ADGB: variants seen among roughly 807,000 people sequenced by gnomAD.
ADGB encodes the protein calpain-7-like protein.
ADGB carries 172 observed loss-of-function variants against 210.5 expected under a neutral mutation model. The ratio of observed to expected loss-of-function variants is 0.82; its 90% confidence interval spans 0.72 to 0.93. The LOEUF is 0.93. Ranked by LOEUF, ADGB falls within the 40% of genes least tolerant of loss-of-function variation. The pLI is 0.00. For missense variants in ADGB, 2,025 were observed against 1,964.8 expected (o/e 1.03, Z -0.58); for synonymous variants, 658 against 662.7 (o/e 0.99, Z 0.11).
chr6:146,699,188 C>T (rs566948540), intron 12 of ADGB, among the ~76,000 whole-genome samples: 2 of 151,954 alleles, frequency 1.3e-5, no homozygotes, highest in African/African-American at 2.4e-5. Flanking sequence ...AAGGAATTGG[C>T]TCATTGGTTA....
At chr6:146,616,547 G>C (rs1780801807) in intron 1 of ADGB, among the ~76,000 whole-genome samples, 1 of 151,932 alleles carries the variant, frequency 6.6e-6, no homozygotes, top group South Asian at 2.1e-4. Context: ...TTTTCTAGTA[G>C]TTTTGTAGTT....
chr6:146,712,501 TTGTTC>T (rs1038695239), intron 13 of ADGB, among the ~76,000 whole-genome samples: 8 of 152,010 alleles, frequency 5.3e-5, no homozygotes, highest in African/African-American at 1.7e-4. Flanking sequence ...GTTGTTTTTT[TTGTTC>T]TGTTTTGTTT....
intron 1 of ADGB, among the ~76,000 whole-genome samples, chr6:146,629,355 G>A (rs57854682): frequency 0.21 from 32,036 of 151,992 alleles, 3,476 homozygotes; most frequent in East Asian, 0.24. Context: ...TGTTTATATT[G>A]TGTGTATAAC....
At chr6:146,684,288 T>A (rs1352905402) in intron 9 of ADGB, among the ~76,000 whole-genome samples, 1 of 152,190 alleles carries the variant, frequency 6.6e-6, no homozygotes, top group Non-Finnish European at 1.5e-5. Flanking sequence ...AACTGATTTT[T>A]AAAATTTTAT....
chr6:146,790,486 TC>T (rs2114653215), intron 33 of ADGB, among the ~76,000 whole-genome samples: 1 of 152,308 alleles, frequency 6.6e-6, no homozygotes, highest in South Asian at 2.1e-4. Flanking sequence ...CATCTTGTCC[TC>T]CAGGTTTGTC....
intron 9 of ADGB, among the ~76,000 whole-genome samples, chr6:146,679,774 G>A (rs528715911): frequency 3.9e-5 from 6 of 152,234 alleles, no homozygotes; most frequent in South Asian, 2.1e-4. Context: ...CATTGAAAAT[G>A]TAGCTTAAAA....
intron 33 of ADGB, among the ~76,000 whole-genome samples, chr6:146,789,643 T>C (rs544374353): frequency 6.6e-6 from 1 of 152,312 alleles, no homozygotes; most frequent in African/African-American, 2.4e-5. Flanking sequence ...TGAAAGTACA[T>C]GCCCATTCAA....
rs912887554 is a variant in ADGB at position 146,683,602 on chromosome 6, A to G, written c.1217-2132A>G. Among the ~76,000 whole-genome samples, 46 of 152,046 alleles carry G rather than the reference A, an allele frequency of 3.0e-4. 2 individuals carry two copies. The highest frequency in any genetic ancestry group is 3.0e-3 in the Admixed American group (46 of 15,226). ...GTGTGATTATCCTAAAATTTGGAGCAAATTTTTTTGTCATCAACATCATTT... is the reference window on the plus strand; with the variant it reads ...GTGTGATTATCCTAAAATTTGGAGCGAATTTTTTTGTCATCAACATCATTT... On this transcript the variant is annotated intron_variant, in intron 9 of 35. Coordinates refer to ENST00000397944, the MANE Select transcript of ADGB (RefSeq NM_024694.4).
chr6:146,637,805 A>G (rs1210731837), intron 2 of ADGB, among the ~76,000 whole-genome samples: 7 of 152,036 alleles, frequency 4.6e-5, no homozygotes, highest in African/African-American at 1.7e-4. Context: ...ATCCTACCAG[A>G]TGTACAAAGA....
At chr6:146,691,803 G>T (rs1282116599) in intron 11 of ADGB, among the ~76,000 whole-genome samples, 1 of 151,732 alleles carries the variant, frequency 6.6e-6, no homozygotes, top group African/African-American at 2.4e-5. Flanking sequence ...TAGAAAAGTA[G>T]TTTGTAGCAA....
At chr6:146,812,731 T>C (rs994013076) in intron 35 of ADGB, among the ~76,000 whole-genome samples, 1 of 152,250 alleles carries the variant, frequency 6.6e-6, no homozygotes, top group Non-Finnish European at 1.5e-5. Flanking sequence ...GTGCTAGATT[T>C]GGATTGCAGA....
At chr6:146,616,598 T>C (rs1252359466) in intron 1 of ADGB, among the ~76,000 whole-genome samples, 1 of 152,178 alleles carries the variant, frequency 6.6e-6, no homozygotes, top group Non-Finnish European at 1.5e-5. Context: ...TTTGACTTGA[T>C]CTTTGCATAT....
chr6:146,668,289 G>A (rs1487059854), intron 7 of ADGB, among the ~76,000 whole-genome samples: 1 of 152,006 alleles, frequency 6.6e-6, no homozygotes, highest in Non-Finnish European at 1.5e-5. Flanking sequence ...TCTTTGACTG[G>A]TAATAGGAAG....
At chr6:146,803,027 A>C in intron 35 of ADGB, 1 of 1,596,412 alleles carries the variant, frequency 6.3e-7, no homozygotes. Context: ...ATTTGCTTTT[A>C]AGTAGTGACT....
chr6:146,719,638 C>T (rs1776787088), intron 16 of ADGB, among the ~76,000 whole-genome samples: 1 of 152,134 alleles, frequency 6.6e-6, no homozygotes, highest in Non-Finnish European at 1.5e-5. Context: ...CCTTGGTGCT[C>T]AGTGTGAGGT....
intron 27 of ADGB, among the ~76,000 whole-genome samples, chr6:146,762,621 T>C (rs186039763): frequency 3.3e-5 from 5 of 152,246 alleles, no homozygotes; most frequent in African/African-American, 1.2e-4. Context: ...GAGTCTAGAT[T>C]ATGCTCTTTT....
intron 13 of ADGB, among the ~76,000 whole-genome samples, chr6:146,711,755 C>T (rs1248257563): frequency 1.3e-5 from 2 of 152,114 alleles, no homozygotes; most frequent in Non-Finnish European, 2.9e-5. Context: ...CTGGGCTGGG[C>T]ATGGTGGCTT....
chr6:146,695,925 A>C (rs1159000031), intron 12 of ADGB, among the ~76,000 whole-genome samples: 2 of 152,094 alleles, frequency 1.3e-5, no homozygotes, highest in African/African-American at 4.8e-5. Flanking sequence ...TAATTGTCCT[A>C]ATAGTTAAAG....
chr6:146,749,444 G>A (rs1375133850), intron 26 of ADGB, among the ~76,000 whole-genome samples: 2 of 152,128 alleles, frequency 1.3e-5, no homozygotes, highest in African/African-American at 2.4e-5. Context: ...AAGCAAAGCA[G>A]CCCCCAAACA....
Sources: allele counts gnomAD v4.1 joint callset (sites outside exome capture counted in the v4.1 genomes callset), GRCh38; gene constraint gnomAD v4.1.1; transcripts MANE v1.5; gene names NCBI Gene and HGNC (gene_info 2026-07-23, HGNC 2026-07-21).